The following PDE4D variants were observed in gnomAD, a reference collection of about 807,000 sequenced individuals.
The protein encoded by PDE4D is phosphodiesterase 4D, also known as 3',5'-cyclic-AMP phosphodiesterase 4D.
A neutral mutation model predicts 87.4 loss-of-function variants in PDE4D; 24 were observed. That is an observed-to-expected ratio of 0.27 (90% CI 0.20 to 0.39). The LOEUF (loss-of-function observed/expected upper bound fraction) is 0.39. Ranked by LOEUF, PDE4D falls within the 10% of genes least tolerant of loss-of-function variation. The pLI, the probability that PDE4D is intolerant of heterozygous loss-of-function variation, is 1.00. For missense variants in PDE4D, 714 were observed against 1,041.0 expected, an observed-to-expected ratio of 0.69 and a Z score of 4.32; for synonymous variants, 384 against 383.2, an observed-to-expected ratio of 1.00 and a Z score of -0.02.
At chr5:59,404,475 A>T (rs1468174554) in intron 1 of PDE4D, among the ~76,000 whole-genome samples, 2 of 152,088 alleles carry the variant, frequency 1.3e-5, no homozygotes, top group African/African-American at 4.8e-5. Flanking sequence ...CCTGGCCAAC[A>T]TGGCAAAACC....
chr5:59,758,023 A>G (rs1175713831), intron 1 of PDE4D, among the ~76,000 whole-genome samples: 2 of 152,210 alleles, frequency 1.3e-5, no homozygotes, highest in African/African-American at 4.8e-5. Context: ...AAATCTTTGA[A>G]TATTCATTGT....
intron 5 of PDE4D, among the ~76,000 whole-genome samples, chr5:59,046,438 G>GTGTGTA (rs1368972923): frequency 1.3e-5 from 2 of 151,572 alleles, no homozygotes; most frequent in East Asian, 3.9e-4. Context: ...GTGTGTGTGT[G>GTGTGTA]TGTGTATGTG....
intron 3 of PDE4D, among the ~76,000 whole-genome samples, chr5:59,935,402 A>C (rs1756456317): frequency 6.6e-6 from 1 of 152,164 alleles, no homozygotes; most frequent in Non-Finnish European, 1.5e-5. Context: ...AAAAACTGAA[A>C]AAAGTCAGAG....
At chr5:60,148,962 A>T (rs1403078540) in intron 2 of PDE4D, among the ~76,000 whole-genome samples, 1 of 152,194 alleles carries the variant, frequency 6.6e-6, no homozygotes, top group Non-Finnish European at 1.5e-5. Context: ...GTAAAGGGAG[A>T]TGGAGGAATT....
chr5:60,434,565 A>G (rs1307870298), intron 1 of PDE4D, among the ~76,000 whole-genome samples: 1 of 152,220 alleles, frequency 6.6e-6, no homozygotes, highest in Non-Finnish European at 1.5e-5. Flanking sequence ...AAGAGGTAAC[A>G]TTAACCAAAG....
chr5:60,132,363 C>T (rs1255229784), intron 2 of PDE4D, among the ~76,000 whole-genome samples: 1 of 152,092 alleles, frequency 6.6e-6, no homozygotes, highest in Non-Finnish European at 1.5e-5. Flanking sequence ...TGTTTTCACA[C>T]TTTTATTGCA....
chr5:60,241,089 A>C (rs183420899), intron 1 of PDE4D, among the ~76,000 whole-genome samples: 2 of 152,266 alleles, frequency 1.3e-5, no homozygotes, highest in Admixed American at 1.3e-4. Flanking sequence ...CAGAGAATTC[A>C]AAATAACTGT....
At chr5:60,333,449 G>A (rs941359686) in intron 1 of PDE4D, among the ~76,000 whole-genome samples, 6 of 152,148 alleles carry the variant, frequency 3.9e-5, no homozygotes, top group Non-Finnish European at 8.8e-5. Context: ...GTCTGGAAGA[G>A]GCTTCTGCTG....
intron 1 of PDE4D, among the ~76,000 whole-genome samples, chr5:59,616,717 T>G (rs111987657): frequency 1.9e-3 from 288 of 151,810 alleles, no homozygotes; most frequent in African/African-American, 6.7e-3. Context: ...TCTAGCAGGT[T>G]TCAAATATAA....
chr5:59,736,365 T>C lies in PDE4D; in HGVS notation c.455+156803A>G, dbSNP rs150750270. Among the ~76,000 whole-genome samples the C allele has an allele frequency of 6.4e-4, 97 of 152,274 alleles. 1 individual carries two copies. The highest frequency in any genetic ancestry group is 2.2e-3 in the African/African-American group (91 of 41,568). On this transcript the variant is annotated intron_variant, in intron 1 of 14. Coordinates refer to ENST00000340635, the MANE Select transcript of PDE4D (RefSeq NM_001104631.2). ...AATATTCTGGGGCACTGTAACTTGATATAAATTCCTTTGAAAATAATTCTT... is the reference window on the plus strand; with the variant it reads ...AATATTCTGGGGCACTGTAACTTGACATAAATTCCTTTGAAAATAATTCTT...
At chr5:59,807,566 G>T (rs908518836) in intron 1 of PDE4D, among the ~76,000 whole-genome samples, 3 of 152,180 alleles carry the variant, frequency 2.0e-5, no homozygotes, top group Non-Finnish European at 2.9e-5. Context: ...AGAGCAGAGC[G>T]GGTGGCCCTT....
At chr5:59,651,401 G>C (rs1743480623) in intron 1 of PDE4D, among the ~76,000 whole-genome samples, 1 of 151,264 alleles carries the variant, frequency 6.6e-6, no homozygotes, top group African/African-American at 2.4e-5. Flanking sequence ...GTCATATTTA[G>C]TGCATGCTCA....
intron 3 of PDE4D, among the ~76,000 whole-genome samples, chr5:59,974,084 C>T (rs1373894014): frequency 6.6e-6 from 1 of 152,154 alleles, no homozygotes; most frequent in African/African-American, 2.4e-5. Flanking sequence ...TCACTAAGGT[C>T]ACAACAGTAA....
intron 2 of PDE4D, among the ~76,000 whole-genome samples, chr5:60,031,980 A>C (rs1294504030): frequency 6.6e-6 from 1 of 152,218 alleles, no homozygotes; most frequent in Non-Finnish European, 1.5e-5. Flanking sequence ...AGAAGCTATA[A>C]GGAAGCGCTT....
At chr5:59,210,138 T>C (rs1749762629) in intron 2 of PDE4D, among the ~76,000 whole-genome samples, 1 of 152,228 alleles carries the variant, frequency 6.6e-6, no homozygotes, top group Admixed American at 6.5e-5. Flanking sequence ...CAAATTGATA[T>C]GCTTTTGAAA....
chr5:60,203,321 G>A (rs887836068), intron 1 of PDE4D, among the ~76,000 whole-genome samples: 9 of 152,132 alleles, frequency 5.9e-5, no homozygotes, highest in Admixed American at 6.5e-5. Context: ...AATTAGTATC[G>A]CTATAAAAAT....
intron 3 of PDE4D, among the ~76,000 whole-genome samples, chr5:59,913,365 T>C (rs959426339): frequency 6.6e-6 from 1 of 152,214 alleles, no homozygotes; most frequent in African/African-American, 2.4e-5. Context: ...GGTGTGGCAG[T>C]TGTTACAATG....
intron 2 of PDE4D, among the ~76,000 whole-genome samples, chr5:60,006,139 G>C (rs1007491546): frequency 1.3e-5 from 2 of 151,778 alleles, no homozygotes; most frequent in Non-Finnish European, 2.9e-5. Flanking sequence ...AATAATTGTA[G>C]AGGAAGGAAA....
chr5:59,949,303 G>C (rs983655089), intron 3 of PDE4D, among the ~76,000 whole-genome samples: 2 of 151,980 alleles, frequency 1.3e-5, no homozygotes, highest in Non-Finnish European at 2.9e-5. Context: ...CATGGTGGCG[G>C]AAGCCTGTAT....
Sources: gnomAD v4.1 joint callset for allele counts (sites outside exome capture counted in the v4.1 genomes callset) on GRCh38, gnomAD v4.1.1 for gene constraint, MANE v1.5 for transcripts, NCBI Gene and HGNC (gene_info 2026-07-23, HGNC 2026-07-21) for gene names.